The following CACHD1 variants were observed in gnomAD, a reference collection of about 807,000 sequenced individuals.
The protein encoded by CACHD1 is cache domain containing 1.
In CACHD1, 71 loss-of-function variants were observed where a neutral mutation model predicts 138.7. The ratio of observed to expected loss-of-function variants is 0.51; its 90% CI spans 0.42 to 0.62. The LOEUF (loss-of-function observed/expected upper bound fraction) is 0.62. Ranked by LOEUF, CACHD1 falls within the 20% of genes least tolerant of loss-of-function variation. The probability of loss-of-function intolerance (pLI) is 0.00; values close to 1 mark genes in which losing one functional copy is unlikely to be tolerated. For missense variants in CACHD1, 1,389 were observed against 1,625.3 expected, an observed-to-expected ratio of 0.85 and a Z score of 2.50; for synonymous variants, 578 against 591.5, an observed-to-expected ratio of 0.98 and a Z score of 0.33.
intron 4 of CACHD1, among the ~76,000 whole-genome samples, chr1:64,606,300 T>C (rs1455994175): frequency 6.6e-6 from 1 of 152,182 alleles, no homozygotes; most frequent in Non-Finnish European, 1.5e-5. Context: ...CTATTTCATC[T>C]AAGGGTTTGT....
intron 17 of CACHD1, among the ~76,000 whole-genome samples, chr1:64,672,893 C>A (rs909782483): frequency 6.6e-6 from 1 of 152,050 alleles, no homozygotes; most frequent in Non-Finnish European, 1.5e-5. Context: ...ACTGGGTGAG[C>A]GCATTCTGTA....
intron 4 of CACHD1, among the ~76,000 whole-genome samples, chr1:64,605,040 C>G (rs922566595): frequency 1.3e-4 from 19 of 150,774 alleles, no homozygotes; most frequent in African/African-American, 4.7e-4. Flanking sequence ...AGTCTTGGCT[C>G]ACTGCAACCT....
At chr1:64,476,444 T>G (rs898592564) in intron 1 of CACHD1, among the ~76,000 whole-genome samples, 6 of 152,248 alleles carry the variant, frequency 3.9e-5, no homozygotes, top group African/African-American at 1.4e-4. Context: ...GATTTGAATG[T>G]GTAATTACGC....
At chr1:64,478,575 G>A (rs915677064) in intron 1 of CACHD1, among the ~76,000 whole-genome samples, 1 of 152,194 alleles carries the variant, frequency 6.6e-6, no homozygotes, top group Admixed American at 6.5e-5. Context: ...CAGGGAGGCT[G>A]AGAGTGATAC....
chr1:64,593,571 C>T (rs550146719), intron 3 of CACHD1, among the ~76,000 whole-genome samples: 42 of 152,226 alleles, frequency 2.8e-4, no homozygotes, highest in African/African-American at 9.1e-4. Context: ...TATTATTTCT[C>T]CATGAAGATA....
intron 1 of CACHD1, among the ~76,000 whole-genome samples, chr1:64,499,596 A>G (rs1406301113): frequency 2.0e-5 from 3 of 152,234 alleles, no homozygotes; most frequent in African/African-American, 2.4e-5. Flanking sequence ...ACAAACCTCT[A>G]ACTAAAATCT....
rs528202578 is a variant in CACHD1, at chr1:64,635,473, T to C, written c.1006+1213T>C. On this transcript the variant is annotated intron_variant, in intron 7 of 26. Coordinates refer to ENST00000651257, the MANE Select transcript of CACHD1 (RefSeq NM_020925.4). ...ATCCCGGCTCACTGCAACCTCCACC[T>C]CCCGGGTTCAAGCGATTCTCCTGCC... is the stretch of plus-strand genomic sequence containing the variant. Among the ~76,000 whole-genome samples the C allele has an allele frequency of 1.1e-3, 162 of 142,604 alleles. No individual in the cohort carries two copies. The Middle Eastern group carries it at 0.018, about 16-fold the overall frequency. The allele number at this position is 142,604 out of a possible 152,430, so 93.6% of individuals were successfully genotyped here.
intron 26 of CACHD1, 102 bp from the exon 27 acceptor site, chr1:64,691,221 G>T: frequency 9.7e-7 from 1 of 1,032,296 alleles, no homozygotes; most frequent in Non-Finnish European, 1.5e-6. Context: ...CCTATGTATT[G>T]CAAAGACAGG....
chr1:64,602,627 G>A (rs1426276759), intron 3 of CACHD1, among the ~76,000 whole-genome samples, 179 bp from the exon 4 acceptor site: 1 of 151,976 alleles, frequency 6.6e-6, no homozygotes, highest in Non-Finnish European at 1.5e-5. Context: ...ACCTTCTAGA[G>A]GCAGGTGTTC....
chr1:64,668,103 C>A (rs1169448809), intron 16 of CACHD1, among the ~76,000 whole-genome samples: 1 of 151,904 alleles, frequency 6.6e-6, no homozygotes, highest in African/African-American at 2.4e-5. Flanking sequence ...CCAAGGCAGG[C>A]GGATCATGAG....
At chr1:64,515,529 T>TC (rs1557470787) in intron 1 of CACHD1, among the ~76,000 whole-genome samples, 3 of 152,212 alleles carry the variant, frequency 2.0e-5, no homozygotes, top group Non-Finnish European at 4.4e-5. Flanking sequence ...AAGCATTTTT[T>TC]CCCTTCTTAA....
chr1:64,516,481 G>C (rs1435394414), intron 1 of CACHD1, among the ~76,000 whole-genome samples: 1 of 152,128 alleles, frequency 6.6e-6, no homozygotes, highest in Non-Finnish European at 1.5e-5. Context: ...CACACGCTAG[G>C]TACTTAGTAA....
intron 2 of CACHD1, among the ~76,000 whole-genome samples, chr1:64,569,071 G>A (rs527368631): frequency 1.1e-4 from 17 of 151,954 alleles, no homozygotes; most frequent in African/African-American, 3.9e-4. Context: ...ACAGGCATGC[G>A]CCACCACACC....
At chr1:64,595,128 G>A (rs1278336116) in intron 3 of CACHD1, among the ~76,000 whole-genome samples, 2 of 152,174 alleles carry the variant, frequency 1.3e-5, no homozygotes, top group African/African-American at 2.4e-5. Context: ...TAATCTCCAA[G>A]GTCATCTGCT....
intron 4 of CACHD1, among the ~76,000 whole-genome samples, chr1:64,610,623 C>T (rs565595551): frequency 1.1e-4 from 16 of 152,348 alleles, no homozygotes; most frequent in African/African-American, 2.6e-4. Context: ...TGAGCTCCCA[C>T]GGCCTGGGGC....
chr1:64,663,867 G>T (rs774425836), intron 14 of CACHD1, 30 bp downstream of exon 14: 2 of 1,613,462 alleles, frequency 1.2e-6, no homozygotes, highest in African/African-American at 2.7e-5. Context: ...TCCATTTCTG[G>T]TGTCCCCCTC....
chr1:64,478,454 G>A (rs1010961840), intron 1 of CACHD1, among the ~76,000 whole-genome samples: 4 of 152,194 alleles, frequency 2.6e-5, no homozygotes, highest in Admixed American at 2.6e-4. Flanking sequence ...AGGACTAAGC[G>A]AGATAGCTGT....
chr1:64,498,690 A>T (rs1238740479), intron 1 of CACHD1, among the ~76,000 whole-genome samples: 1 of 152,232 alleles, frequency 6.6e-6, no homozygotes, highest in Non-Finnish European at 1.5e-5. Flanking sequence ...TCTTGCATGC[A>T]GAGTCTTAAT....
At chr1:64,597,521 G>GTTTTT (rs1647164030) in intron 3 of CACHD1, among the ~76,000 whole-genome samples, 3 of 63,856 alleles carry the variant, frequency 4.7e-5, no homozygotes, top group African/African-American at 2.0e-4. Flanking sequence ...TTTTTTTTTT[G>GTTTTT]TTGTTTTTTT....
Sources: allele counts gnomAD v4.1 joint callset (sites outside exome capture counted in the v4.1 genomes callset), GRCh38; gene constraint gnomAD v4.1.1; transcripts MANE v1.5; gene names NCBI Gene and HGNC (gene_info 2026-07-23, HGNC 2026-07-21).